Variants in UNC80 observed in about 807,000 individuals in gnomAD.
UNC80 encodes protein unc-80 homolog.
In UNC80, 164 loss-of-function variants were observed where a neutral mutation model predicts 384.6. That is an observed-to-expected ratio of 0.43 (90% CI 0.38 to 0.49). The LOEUF is 0.49. Ranked by LOEUF, UNC80 falls within the 20% of genes least tolerant of loss-of-function variation. UNC80 has a pLI of 0.00. For synonymous variants in UNC80, 1,486 were observed against 1,527.8 expected (o/e 0.97, Z 0.64); for missense variants, 3,330 against 4,143.0 (o/e 0.80, Z 5.39).
At chr2:209,894,758 G>A (rs1364544741) in intron 27 of UNC80, among the ~76,000 whole-genome samples, 2 of 152,198 alleles carry the variant, frequency 1.3e-5, no homozygotes, top group Non-Finnish European at 1.5e-5. Context: ...TTGAAATTCC[G>A]ATGCTTGTGT....
intron 29 of UNC80, among the ~76,000 whole-genome samples, chr2:209,909,560 G>T (rs930988625): frequency 6.6e-6 from 1 of 152,094 alleles, no homozygotes; most frequent in African/African-American, 2.4e-5. Context: ...TTATTTTTCT[G>T]CACAGCAACC....
At chr2:209,898,760 C>T (rs541091162) in intron 28 of UNC80, among the ~76,000 whole-genome samples, 1 of 152,286 alleles carries the variant, frequency 6.6e-6, no homozygotes, top group Non-Finnish European at 1.5e-5. Context: ...TCTCCCTCAA[C>T]CCCCTACTAC....
chr2:209,950,361 G>A (rs567359124), intron 47 of UNC80, among the ~76,000 whole-genome samples: 10 of 151,670 alleles, frequency 6.6e-5, no homozygotes, highest in African/African-American at 2.4e-4. Context: ...ATGACTATGA[G>A]GTTTTTATTG....
chr2:209,830,587 G>A (rs1382926234), intron 15 of UNC80, among the ~76,000 whole-genome samples: 2 of 152,104 alleles, frequency 1.3e-5, no homozygotes, highest in African/African-American at 2.4e-5. Flanking sequence ...TGTGGGAGTG[G>A]ATCACAGTGA....
intron 58 of UNC80, among the ~76,000 whole-genome samples, 184 bp from the exon 59 acceptor site, chr2:209,978,345 C>T (rs565872753): frequency 5.3e-5 from 8 of 152,182 alleles, no homozygotes; most frequent in African/African-American, 1.9e-4. Flanking sequence ...ATATCAGTGG[C>T]CAATATTGAT....
chr2:209,994,166 C>T lies in UNC80; in HGVS notation c.9610C>T (p.Pro3204Ser). ...PATGQLQGCS[P>S]APSRKPEAMD... ...AACAGGCCAACTACAGGGCTGTAGC[C>T]CAGCCCCTTCTAGGAAACCAGAAGC... The change falls in exon 64 of 65, where the codon CCA (proline) becomes TCA (serine). Residue 3204 changes from proline (P) to serine (S), a missense_variant. Physicochemically the swap from Pro to Ser is moderately conservative, Grantham distance 74. Around this residue, in one of 8 missense-constraint regions of UNC80, gnomAD observed 236 missense variants for 254.9 expected, o/e 0.93. Coordinates refer to ENST00000673920, the MANE Select transcript of UNC80 (RefSeq NM_001371986.1). 1 of 1,551,428 alleles carries T rather than the reference C, an allele frequency of 6.4e-7. No individual in the cohort carries two copies. Among genetic ancestry groups the T allele is most frequent in the South Asian group, 1.2e-5 (1 of 84,048 alleles).
In UNC80 at chr2:209,967,528, A is replaced by T. The variant is rs551204974; in HGVS notation, c.7897A>T (p.Met2633Leu). 7.1e-6 allele frequency: 11 copies of T among 1,551,522 alleles called. No individual in the cohort carries two copies. Among genetic ancestry groups the T allele is most frequent in the South Asian group, 1.2e-5 (1 of 84,060 alleles). Reference sequence around the variant, plus strand: ...TGGGCTTCGGCGCTACATCATGGAGATGCTACCCATTACTGACTGGACAGC... The same window carrying T: ...TGGGCTTCGGCGCTACATCATGGAGTTGCTACCCATTACTGACTGGACAGC... ...SRGLRRYIME[M>L]LPITDWTAEA... The change falls in exon 52 of 65, where the codon ATG becomes TTG. Residue 2633 changes from methionine to leucine, a missense_variant. Around this residue, in one of 8 missense-constraint regions of UNC80, gnomAD observed 1,049 missense variants for 1,488.6 expected, o/e 0.70. Transcript: ENST00000673920.
intron 5 of UNC80, among the ~76,000 whole-genome samples, chr2:209,787,004 T>C (rs866401669): frequency 7.2e-6 from 1 of 138,408 alleles, no homozygotes; most frequent in African/African-American, 2.9e-5. Flanking sequence ...TATATATATA[T>C]ATATATATAT....
chr2:209,896,189 C>T (rs1009204134), intron 27 of UNC80, 124 bp from the exon 28 acceptor site: 23 of 800,598 alleles, frequency 2.9e-5, no homozygotes, highest in Middle Eastern at 3.5e-4. Context: ...AATGCTATGC[C>T]CTGTAACCCA....
intron 35 of UNC80, 135 bp downstream of exon 35, chr2:209,922,518 AT>A: frequency 9.0e-7 from 1 of 1,113,082 alleles, no homozygotes; most frequent in Non-Finnish European, 1.2e-6. Context: ...TCTAAAAAAA[AT>A]TAGCATGGCA....
chr2:209,949,720 C>T (rs1390295595), intron 47 of UNC80, among the ~76,000 whole-genome samples: 2 of 152,192 alleles, frequency 1.3e-5, no homozygotes, highest in African/African-American at 4.8e-5. Context: ...TCAGGCGATC[C>T]ACCCGCCTTG....
intron 26 of UNC80, among the ~76,000 whole-genome samples, chr2:209,891,998 G>A (rs2086380058): frequency 6.6e-6 from 1 of 152,184 alleles, no homozygotes; most frequent in South Asian, 2.1e-4. Flanking sequence ...AATAGTAGGA[G>A]ATGGGTTGGA....
chr2:209,839,190 G>T lies in UNC80; in HGVS notation c.3042-32G>T. 6.5e-7 allele frequency: 1 copy of T among 1,537,306 alleles called. No individual in the cohort carries two copies. The highest frequency in any genetic ancestry group is 8.8e-7 in the Non-Finnish European group (1 of 1,137,052). On this transcript the variant is annotated intron_variant, in intron 18 of 64. Transcript: ENST00000673920. This position sits in a 1 kb window ranked among gnomAD's most constrained non-coding sequence, Gnocchi z 4.1. ...TAGGAGAATTTCTCAAGTGTTGTCAGAAGTTTAACCCTATCCTCTGCTTGC... is the reference window on the plus strand; with the variant it reads ...TAGGAGAATTTCTCAAGTGTTGTCATAAGTTTAACCCTATCCTCTGCTTGC...
rs1202892300 is a variant in UNC80 at position 209,839,462 on chromosome 2, A to G, written c.3250+32A>G. ...GTATGTCTGTATTTGTTTATGGATT[A>G]TCTTATTACCAACCATGTCCTCAGA... On this transcript the variant is annotated intron_variant, in intron 19 of 64. Transcript: ENST00000673920. This position sits in a 1 kb window ranked among gnomAD's most constrained non-coding sequence, Gnocchi z 4.1. 6.5e-7 allele frequency: 1 copy of G among 1,550,284 alleles called. No homozygotes were observed. The highest frequency in any genetic ancestry group is 8.7e-7 in the Non-Finnish European group (1 of 1,145,618).
intron 13 of UNC80, 41 bp downstream of exon 13, chr2:209,820,720 A>G (rs778535968): frequency 2.0e-6 from 3 of 1,469,476 alleles, no homozygotes; most frequent in South Asian, 2.9e-5. Flanking sequence ...GAAATGTCAT[A>G]CCTAATTTCT....
chr2:209,835,085 T>C (rs559301623), intron 18 of UNC80, 75 bp downstream of exon 18: 15 of 1,206,872 alleles, frequency 1.2e-5, no homozygotes, highest in Non-Finnish European at 1.6e-5. Context: ...TTTTCCAAAC[T>C]GCTATTTGTT....
intron 22 of UNC80, among the ~76,000 whole-genome samples, chr2:209,856,643 C>A (rs1245882352): frequency 6.6e-6 from 1 of 151,934 alleles, no homozygotes; most frequent in Admixed American, 6.6e-5. Context: ...AAATAATTAT[C>A]CTAGCACAAT....
At chr2:209,955,403 T>G (rs2092361755) in intron 48 of UNC80, among the ~76,000 whole-genome samples, 2 of 151,728 alleles carry the variant, frequency 1.3e-5, no homozygotes, top group Admixed American at 1.3e-4. Context: ...GCAAGCAGAA[T>G]ATTGCCCAAA....
At chr2:209,779,801 T>A (rs994193596) in intron 4 of UNC80, among the ~76,000 whole-genome samples, 38 of 152,178 alleles carry the variant, frequency 2.5e-4, no homozygotes, top group Non-Finnish European at 4.6e-4. Flanking sequence ...AAAAAAGATG[T>A]TTATATGTTG....
Sources: allele counts gnomAD v4.1 joint callset (sites outside exome capture counted in the v4.1 genomes callset), GRCh38; gene constraint gnomAD v4.1.1; regional missense constraint gnomAD v4.1.1; non-coding constraint Gnocchi (gnomAD v3.1); transcripts MANE v1.5; gene names NCBI Gene and HGNC (gene_info 2026-07-23, HGNC 2026-07-21).